Variants in HDAC5 observed in about 807,000 individuals in gnomAD.
The protein encoded by HDAC5 is antigen NY-CO-9.
Under a neutral mutation model 133.3 loss-of-function variants are expected in HDAC5, and 25 were observed. The observed-to-expected ratio is 0.19, with a 90% confidence interval of 0.14 to 0.26. HDAC5 has a LOEUF of 0.26. Among genes scored for constraint, HDAC5 ranks in the 10% least tolerant of loss-of-function variants. HDAC5 has a pLI of 1.00. For missense variants in HDAC5, 1,041 were observed against 1,460.5 expected, an observed-to-expected ratio of 0.71 and a Z score of 4.68; for synonymous variants, 589 against 610.8, an observed-to-expected ratio of 0.96 and a Z score of 0.53.
intron 3 of HDAC5, among the ~76,000 whole-genome samples, chr17:44,107,206 G>A (rs2052011268): frequency 6.6e-6 from 1 of 151,668 alleles, no homozygotes; most frequent in Admixed American, 6.6e-5. Context: ...CCTCCCTCAG[G>A]CTTCCAAAGT....
chr17:44,096,728 G>A (rs1355483809), intron 3 of HDAC5, among the ~76,000 whole-genome samples: 1 of 151,604 alleles, frequency 6.6e-6, no homozygotes, highest in Non-Finnish European at 1.5e-5. Context: ...CGCTCGCCTC[G>A]GCCTCCCAAA....
At chr17:44,079,094 G>T in intron 24 of HDAC5, 50 bp downstream of exon 24, 1 of 1,589,960 alleles carries the variant, frequency 6.3e-7, no homozygotes. Context: ...CCCCTTGCTG[G>T]CCCCTCAGAC....
intron 20 of HDAC5, chr17:44,082,058 T>TGGTA (rs753843386): frequency 6.6e-4 from 101 of 152,764 alleles, no homozygotes; most frequent in Admixed American, 1.1e-3. Context: ...GAAGCACCCA[T>TGGTA]GGTAGCAAGA....
rs1486879107 is a variant in HDAC5, at chr17:44,082,829, G to A, written c.2464-9C>T. The A allele has an allele frequency of 1.3e-6, 2 of 1,552,376 alleles. No homozygotes were observed. Among genetic ancestry groups the A allele is most frequent in the Non-Finnish European group, 8.7e-7 (1 of 1,147,352 alleles). Reference sequence around the variant, plus strand: ...ATGATGGCAAATCCATTCTGAAGAGGTGCAGGCAGAGGTGAGGGGCAAGAT... The same window carrying A: ...ATGATGGCAAATCCATTCTGAAGAGATGCAGGCAGAGGTGAGGGGCAAGAT... On this transcript the variant is annotated splice_polypyrimidine_tract_variant and intron_variant, in intron 18 of 26. Coordinates refer to ENST00000682912, the MANE Select transcript of HDAC5 (RefSeq NM_005474.5).
intron 3 of HDAC5, among the ~76,000 whole-genome samples, chr17:44,102,641 G>T (rs2051683996): frequency 6.6e-6 from 1 of 150,680 alleles, no homozygotes; most frequent in Non-Finnish European, 1.5e-5. Flanking sequence ...TTACAGGCAT[G>T]AGCCATATGC....
At chr17:44,110,866 G>C in intron 2 of HDAC5, 66 bp from the exon 3 acceptor site, 1 of 1,381,038 alleles carries the variant, frequency 7.2e-7, no homozygotes, top group Non-Finnish European at 1.0e-6. Flanking sequence ...CTGAGCCTTG[G>C]GCACCAGCAG....
intron 3 of HDAC5, among the ~76,000 whole-genome samples, chr17:44,096,969 G>A (rs1165293246): frequency 2.0e-5 from 3 of 152,186 alleles, no homozygotes; most frequent in African/African-American, 4.8e-5. Flanking sequence ...TGATCCACCC[G>A]CCTCGGCCTC....
chr17:44,110,704 C>G, intron 3 of HDAC5, 25 bp downstream of exon 3: 1 of 1,597,098 alleles, frequency 6.3e-7, no homozygotes, highest in Non-Finnish European at 8.6e-7. Flanking sequence ...TGACAGAGGG[C>G]AGGCAGGGAC....
At position 44,093,791 on chromosome 17, in the gene HDAC5, C is replaced by G. The variant is rs763359147; in HGVS notation, c.138G>C (p.Met46Ile). 6.4e-7 allele frequency: 1 copy of G among 1,562,212 alleles called. No individual in the cohort carries two copies. Among genetic ancestry groups the G allele is most frequent in the Non-Finnish European group, 8.7e-7 (1 of 1,153,794 alleles). Residue 46 changes from methionine (M) to isoleucine (I), a missense_variant, in exon 4 of 27, where the codon ATG (methionine) becomes ATC (isoleucine). By Grantham distance (10) the Met-to-Ile change is conservative. Transcript: ENST00000682912. ...PVLPRAMPSS[M>I]GGGGGGSPSP... is the part of the protein sequence containing the mutation. The stretch of plus-strand genomic sequence containing the variant: ...TGGGGCTGCCTCCACCCCCACCCCC[C>G]ATGGAACTGGGCATGGCTCTTGGCA...
chr17:44,079,069 C>G (rs2050255388), intron 24 of HDAC5, 75 bp downstream of exon 24: 11 of 1,572,028 alleles, frequency 7.0e-6, no homozygotes, highest in East Asian at 6.8e-5. Flanking sequence ...CTAAGGGGCT[C>G]CCAGTGCTGG....
chr17:44,108,032 G>C (rs2052079111), intron 3 of HDAC5, among the ~76,000 whole-genome samples: 1 of 152,170 alleles, frequency 6.6e-6, no homozygotes, highest in Non-Finnish European at 1.5e-5. Context: ...CCATACTAGA[G>C]TTCAAACTCC....
At chr17:44,110,340 C>G (rs12944005) in intron 3 of HDAC5, among the ~76,000 whole-genome samples, 2,507 of 152,318 alleles carry the variant, frequency 0.016, 82 homozygotes, top group African/African-American at 0.058. Flanking sequence ...CACCCAGCTA[C>G]ACCTTCTTCC....
At position 44,094,329 on chromosome 17, in the gene HDAC5, A is replaced by T. The variant is rs540299061; in HGVS notation, c.95-495T>A. On this transcript the variant is annotated intron_variant, in intron 3 of 26. Coordinates refer to ENST00000682912, the MANE Select transcript of HDAC5 (RefSeq NM_005474.5). ...ACAGAGCAAGACTGTCTCCAGAAAA[A>T]AAAAAAACAAAAAACAAAAAGGGGG... Among the ~76,000 whole-genome samples the T allele has an allele frequency of 7.8e-4, 118 of 151,300 alleles. 1 individual carries two copies. The highest frequency in any genetic ancestry group is 9.7e-4 in the Non-Finnish European group (66 of 67,832).
At chr17:44,089,747 CAA>C (rs869263828) in intron 11 of HDAC5, among the ~76,000 whole-genome samples, 2 of 34,070 alleles carry the variant, frequency 5.9e-5, no homozygotes, top group East Asian at 9.8e-4. Flanking sequence ...AACTTCGTCT[CAA>C]AAAAAAAAAA....
At chr17:44,080,603 C>A in intron 21 of HDAC5, 105 bp from the exon 22 acceptor site, 1 of 1,477,668 alleles carries the variant, frequency 6.8e-7, no homozygotes, top group Non-Finnish European at 9.4e-7. Flanking sequence ...GACCTCTGCT[C>A]TGCCTGGAGG....
chr17:44,120,677 G>A (rs1263694064), intron 1 of HDAC5: 3 of 151,906 alleles, frequency 2.0e-5, no homozygotes, highest in African/African-American at 7.3e-5. Context: ...TGGAGACAGA[G>A]GTGCGGTGAG....
intron 3 of HDAC5, among the ~76,000 whole-genome samples, chr17:44,106,516 C>G (rs932545759): frequency 6.6e-6 from 1 of 152,040 alleles, no homozygotes; most frequent in South Asian, 2.1e-4. Context: ...AAGCTCCAAT[C>G]GCCAGGCCAT....
intron 4 of HDAC5, 33 bp from the exon 5 acceptor site, chr17:44,093,518 G>A (rs763824748): frequency 1.8e-5 from 28 of 1,599,620 alleles, no homozygotes; most frequent in Non-Finnish European, 2.4e-5. Context: ...GCACAAGTGA[G>A]CCAGGCCCGG....
At position 44,080,535 on chromosome 17, in the gene HDAC5, C is replaced by A. The variant is rs767158982; in HGVS notation, c.2728-37G>T. 5.6e-6 allele frequency: 9 copies of A among 1,593,326 alleles called. No individual in the cohort carries two copies. The Admixed American group carries it at 1.5e-4, about 27-fold the overall frequency. Reference sequence around the variant, plus strand: ...GTTGGGGAGAGGGCTATTCTCACCACCTGGGAGTCCCAAACATTGCCCCTG... The same window carrying A: ...GTTGGGGAGAGGGCTATTCTCACCAACTGGGAGTCCCAAACATTGCCCCTG... On this transcript the variant is annotated intron_variant, in intron 21 of 26. Coordinates refer to ENST00000682912, the MANE Select transcript of HDAC5 (RefSeq NM_005474.5).
Sources: gnomAD v4.1 joint callset for allele counts (sites outside exome capture counted in the v4.1 genomes callset) on GRCh38, gnomAD v4.1.1 for gene constraint, MANE v1.5 for transcripts, NCBI Gene and HGNC (gene_info 2026-07-23, HGNC 2026-07-21) for gene names.